The following ARID5B variants were observed in gnomAD, a reference collection of about 807,000 sequenced individuals.
The protein encoded by ARID5B is AT-rich interaction domain 5B.
ARID5B carries 13 observed loss-of-function variants against 97.2 expected under a neutral mutation model. The observed-to-expected ratio is 0.13, with a 90% CI of 0.09 to 0.21. The LOEUF is 0.21. Ranked by LOEUF, ARID5B falls within the 10% of genes least tolerant of loss-of-function variation. ARID5B has a pLI of 1.00. For missense variants in ARID5B, 1,210 were observed against 1,465.3 expected (o/e 0.83, Z 2.84); for synonymous variants, 556 against 570.3 (o/e 0.97, Z 0.36).
At chr10:62,075,568 C>T (rs1363410717) in intron 8 of ARID5B, among the ~76,000 whole-genome samples, 1 of 152,242 alleles carries the variant, frequency 6.6e-6, no homozygotes, top group African/African-American at 2.4e-5. Context: ...CGGAGGACGA[C>T]TCGCCACATG....
At chr10:61,998,763 C>T (rs553698846) in intron 3 of ARID5B, among the ~76,000 whole-genome samples, 15 of 152,068 alleles carry the variant, frequency 9.9e-5, no homozygotes, top group African/African-American at 3.1e-4. Flanking sequence ...ATTTGAGGAA[C>T]GTTAAAAGAG....
chr10:61,973,435 GA>G (rs1185065670), intron 3 of ARID5B, among the ~76,000 whole-genome samples: 1 of 152,190 alleles, frequency 6.6e-6, no homozygotes, highest in Non-Finnish European at 1.5e-5. Flanking sequence ...AAATCACTCA[GA>G]ACTGGAAACA....
intron 4 of ARID5B, among the ~76,000 whole-genome samples, chr10:62,035,167 A>G (rs1360103029): frequency 6.6e-6 from 1 of 152,180 alleles, no homozygotes; most frequent in East Asian, 1.9e-4. Context: ...GGTGCTGGAG[A>G]TAGGAAGGTG....
At chr10:62,004,497 A>C (rs1404478469) in intron 4 of ARID5B, among the ~76,000 whole-genome samples, 1 of 152,216 alleles carries the variant, frequency 6.6e-6, no homozygotes, top group Non-Finnish European at 1.5e-5. Context: ...AAGTGATGTG[A>C]ATGGCAATTT....
At chr10:61,954,225 C>A (rs796670035) in intron 3 of ARID5B, among the ~76,000 whole-genome samples, 3 of 151,624 alleles carry the variant, frequency 2.0e-5, no homozygotes, top group African/African-American at 7.3e-5. Context: ...GGCATGGTGG[C>A]GCGTGCCTGT....
At chr10:62,057,067 G>A (rs770517187) in intron 5 of ARID5B, 50 bp from the exon 6 acceptor site, 2 of 1,579,166 alleles carry the variant, frequency 1.3e-6, no homozygotes, top group Admixed American at 3.5e-5. Context: ...GTCTTGGTAA[G>A]CATCCTGGGG....
chr10:62,012,004 G>GA (rs57553903), intron 4 of ARID5B, among the ~76,000 whole-genome samples: 7,465 of 147,730 alleles, frequency 0.051, 188 homozygotes, highest in African/African-American at 0.064. Flanking sequence ...TCAAGGAGGG[G>GA]AAAAAAAAAA....
intron 4 of ARID5B, among the ~76,000 whole-genome samples, chr10:62,024,380 C>G (rs997844443): frequency 1.3e-5 from 2 of 152,188 alleles, no homozygotes; most frequent in African/African-American, 2.4e-5. Context: ...TGCACATGCT[C>G]AATTCTTGAG....
At chr10:62,019,569 C>T (rs761433529) in intron 4 of ARID5B, among the ~76,000 whole-genome samples, 27 of 152,268 alleles carry the variant, frequency 1.8e-4, no homozygotes, top group Middle Eastern at 3.4e-3. Flanking sequence ...ATTAGGCCGC[C>T]GGAGATATTA....
chr10:62,052,768 G>A (rs1465499713), intron 5 of ARID5B, among the ~76,000 whole-genome samples: 15 of 152,286 alleles, frequency 9.8e-5, no homozygotes, highest in African/African-American at 2.4e-4. Flanking sequence ...TCTAAGTGAC[G>A]CCTTTACTCC....
chr10:61,992,296 A>G lies in ARID5B; in HGVS notation c.503-7795A>G, dbSNP rs570217743. Reference sequence around the variant, plus strand: ...AAAGTGGCTCCCGGTCGTGGCTTAGAATTCAGTGACCCTTTGGGACAACCT... The same window carrying G: ...AAAGTGGCTCCCGGTCGTGGCTTAGGATTCAGTGACCCTTTGGGACAACCT... On this transcript the variant is annotated intron_variant, in intron 3 of 9. Transcript: ENST00000279873. Among the ~76,000 whole-genome samples, 315 of 152,238 alleles carry G rather than the reference A, an allele frequency of 2.1e-3. 1 individual carries two copies. The highest frequency in any genetic ancestry group is 3.1e-3 in the Non-Finnish European group (212 of 68,016).
chr10:62,062,389 C>T (rs1839932206), intron 7 of ARID5B, among the ~76,000 whole-genome samples: 1 of 152,166 alleles, frequency 6.6e-6, no homozygotes, highest in Non-Finnish European at 1.5e-5. Context: ...TGTTTAGACC[C>T]CCACCCCAAG....
chr10:61,937,063 G>A (rs559848053), intron 2 of ARID5B, among the ~76,000 whole-genome samples: 1 of 152,188 alleles, frequency 6.6e-6, no homozygotes, highest in Admixed American at 6.5e-5. Context: ...GAACCTCACT[G>A]TCCTCATCAG....
intron 5 of ARID5B, among the ~76,000 whole-genome samples, chr10:62,055,895 A>AG (rs11402337): frequency 0.98 from 149,390 of 152,256 alleles, 73,351 homozygotes; most frequent in East Asian, 1. Context: ...GGAAAGAAAA[A>AG]GGTTCGAAAT....
chr10:62,019,615 C>T (rs1176892454), intron 4 of ARID5B, among the ~76,000 whole-genome samples: 1 of 152,164 alleles, frequency 6.6e-6, no homozygotes, highest in Non-Finnish European at 1.5e-5. Flanking sequence ...TTATGTATCC[C>T]ATGTCATACA....
At chr10:62,070,010 C>T (rs964471189) in intron 8 of ARID5B, among the ~76,000 whole-genome samples, 2 of 149,088 alleles carry the variant, frequency 1.3e-5, no homozygotes, top group Non-Finnish European at 3.0e-5. Context: ...TAGTTTGGTT[C>T]TGTCATGTGA....
chr10:61,982,182 A>C (rs1020230719), intron 3 of ARID5B, among the ~76,000 whole-genome samples: 1 of 152,192 alleles, frequency 6.6e-6, no homozygotes, highest in Non-Finnish European at 1.5e-5. Context: ...CTGAGTTGTC[A>C]CAGTGTATCA....
chr10:62,031,860 C>G (rs752207243), intron 4 of ARID5B, among the ~76,000 whole-genome samples: 3 of 152,108 alleles, frequency 2.0e-5, no homozygotes, highest in Non-Finnish European at 4.4e-5. Context: ...TCTGTGAAAA[C>G]CTCATGATTT....
chr10:62,078,955 G>A (rs1361340425), intron 8 of ARID5B, among the ~76,000 whole-genome samples: 1 of 152,192 alleles, frequency 6.6e-6, no homozygotes, highest in Non-Finnish European at 1.5e-5. Flanking sequence ...CTATGGCATG[G>A]TTATTGTAGC....
Sources: gnomAD v4.1 joint callset for allele counts (sites outside exome capture counted in the v4.1 genomes callset) on GRCh38, gnomAD v4.1.1 for gene constraint, MANE v1.5 for transcripts, NCBI Gene and HGNC (gene_info 2026-07-23, HGNC 2026-07-21) for gene names.